PRKACB: variants seen among roughly 807,000 people sequenced by gnomAD.
The protein encoded by PRKACB is cAMP-dependent protein kinase catalytic subunit beta.
In PRKACB, 16 loss-of-function variants were observed where a neutral mutation model predicts 51.4. That is an observed-to-expected ratio of 0.31 (90% CI 0.21 to 0.47). The LOEUF is 0.47. Among genes scored for constraint, PRKACB ranks in the 20% least tolerant of loss-of-function variants. The probability of loss-of-function intolerance (pLI) is 1.00; values close to 1 mark genes in which losing one functional copy is unlikely to be tolerated. For missense variants in PRKACB, 309 were observed against 464.5 expected (o/e 0.67, Z 3.08); for synonymous variants, 147 against 154.4 (o/e 0.95, Z 0.35).
chr1:84,127,034 C>T (rs1651679032), intron 1 of PRKACB, among the ~76,000 whole-genome samples: 1 of 152,098 alleles, frequency 6.6e-6, no homozygotes, highest in Admixed American at 6.5e-5. Flanking sequence ...ACTCTTTTTG[C>T]CTTATTCCTC....
intron 5 of PRKACB, among the ~76,000 whole-genome samples, chr1:84,191,833 T>C (rs1011138088): frequency 1.3e-5 from 2 of 152,078 alleles, no homozygotes; most frequent in Admixed American, 6.6e-5. Flanking sequence ...ATCTAAAATA[T>C]AAATTTTAAA....
intron 1 of PRKACB, among the ~76,000 whole-genome samples, chr1:84,115,811 G>C (rs537639730): frequency 6.8e-6 from 1 of 146,350 alleles, no homozygotes; most frequent in African/African-American, 2.5e-5. Flanking sequence ...GAACCCAGGA[G>C]GTGGAGGTTG....
chr1:84,197,858 A>C, intron 7 of PRKACB, 34 bp downstream of exon 7: 2 of 1,433,506 alleles, frequency 1.4e-6, no homozygotes, highest in Non-Finnish European at 2.0e-6. Flanking sequence ...AAGAAGTAGA[A>C]ATATGAGACA....
intron 8 of PRKACB, among the ~76,000 whole-genome samples, chr1:84,211,232 C>T (rs1672100444): frequency 6.6e-6 from 1 of 152,158 alleles, no homozygotes; most frequent in African/African-American, 2.4e-5. Context: ...ATTTTTCATG[C>T]ATTCCACTGC....
At chr1:84,105,542 CATTTATTTATTTATTTATTTATTTATTT>C (rs66546945) in intron 1 of PRKACB, among the ~76,000 whole-genome samples, 8 of 145,626 alleles carry the variant, frequency 5.5e-5, no homozygotes, top group Admixed American at 1.4e-4. Context: ...CCACTGTTAG[CATTTATTTATTTATTTATTTATTTATTT>C]ATTTATTTAT....
intron 1 of PRKACB, among the ~76,000 whole-genome samples, chr1:84,102,146 A>C (rs1170529410): frequency 1.3e-5 from 2 of 151,802 alleles, no homozygotes; most frequent in African/African-American, 4.8e-5. Flanking sequence ...CGAGGTGGGC[A>C]GATCACGAGG....
chr1:84,159,236 G>A (rs1386692618), intron 1 of PRKACB, among the ~76,000 whole-genome samples: 3 of 151,936 alleles, frequency 2.0e-5, no homozygotes, highest in Non-Finnish European at 4.4e-5. Flanking sequence ...GTAGAGAATT[G>A]TTATTTTAAC....
At chr1:84,175,879 G>C (rs1329870087) in intron 1 of PRKACB, 1 of 1,163,764 alleles carries the variant, frequency 8.6e-7, no homozygotes, top group Non-Finnish European at 1.2e-6. Context: ...ATATATAATT[G>C]AAAATGTATA....
chr1:84,181,664 T>C, intron 2 of PRKACB: 8 of 1,502,778 alleles, frequency 5.3e-6, no homozygotes, highest in Non-Finnish European at 7.1e-6. Context: ...TCTCTCATGC[T>C]GCTACTATCT....
intron 1 of PRKACB, among the ~76,000 whole-genome samples, chr1:84,145,880 A>G (rs574600984): frequency 3.3e-5 from 5 of 151,986 alleles, no homozygotes; most frequent in Non-Finnish European, 7.4e-5. Context: ...GTATGTTTTA[A>G]TTTAAAGTTA....
At chr1:84,203,779 G>A (rs1466048543) in intron 8 of PRKACB, among the ~76,000 whole-genome samples, 3 of 151,922 alleles carry the variant, frequency 2.0e-5, no homozygotes, top group Non-Finnish European at 4.4e-5. Flanking sequence ...AGCCTGAGAT[G>A]TTATAGAGTT....
chr1:84,103,564 G>A (rs1367372082), intron 1 of PRKACB, among the ~76,000 whole-genome samples: 1 of 152,178 alleles, frequency 6.6e-6, no homozygotes, highest in Non-Finnish European at 1.5e-5. Context: ...TGTGAAGTGA[G>A]CCAGCAGACC....
chr1:84,159,558 C>T (rs555803805), intron 1 of PRKACB, among the ~76,000 whole-genome samples: 8 of 151,954 alleles, frequency 5.3e-5, no homozygotes, highest in South Asian at 2.1e-4. Flanking sequence ...CAAATAAAGA[C>T]AGTTTTATTT....
At chr1:84,135,389 T>C (rs1263656371) in intron 1 of PRKACB, among the ~76,000 whole-genome samples, 1 of 152,174 alleles carries the variant, frequency 6.6e-6, no homozygotes, top group Admixed American at 6.5e-5. Context: ...AGAAAATCAG[T>C]GTAAGTAGGT....
At chr1:84,144,822 T>C (rs780062850) in intron 1 of PRKACB, among the ~76,000 whole-genome samples, 46 of 152,274 alleles carry the variant, frequency 3.0e-4, no homozygotes, top group Non-Finnish European at 4.4e-4. Context: ...TAATGTACTT[T>C]TTTTTGTTGT....
At chr1:84,178,135 T>C (rs1383802376) in intron 1 of PRKACB, among the ~76,000 whole-genome samples, 2 of 152,002 alleles carry the variant, frequency 1.3e-5, no homozygotes, top group Non-Finnish European at 2.9e-5. Context: ...AGGTATGACA[T>C]TGGTATGACA....
At chr1:84,102,302 G>T (rs967441568) in intron 1 of PRKACB, among the ~76,000 whole-genome samples, 1 of 152,020 alleles carries the variant, frequency 6.6e-6, no homozygotes, top group Non-Finnish European at 1.5e-5. Context: ...TAGGAGAATC[G>T]CTTGAATCTG....
intron 2 of PRKACB, chr1:84,181,643 A>G: frequency 7.0e-7 from 1 of 1,427,548 alleles, no homozygotes; most frequent in Admixed American, 2.7e-5. Flanking sequence ...AAAGAGAGAA[A>G]GCCACTAGGC....
At position 84,184,022 on chromosome 1, in the gene PRKACB, ATC is replaced by A; in HGVS notation, c.379-10_379-9del. 6.4e-7 allele frequency: 1 copy of A among 1,560,138 alleles called. No individual in the cohort carries two copies. The highest frequency in any genetic ancestry group is 1.4e-5 in the African/African-American group (1 of 72,248). ...TGCTTAAATACATTAAGAGATATTT[ATC>A]TCTCAATTACAGGTTGTTAAACTGA... On this transcript the variant is annotated splice_polypyrimidine_tract_variant and intron_variant, in intron 3 of 9. Coordinates refer to ENST00000370685, the MANE Select transcript of PRKACB (RefSeq NM_182948.4).
Sources: allele counts gnomAD v4.1 joint callset (sites outside exome capture counted in the v4.1 genomes callset), GRCh38; gene constraint gnomAD v4.1.1; transcripts MANE v1.5; gene names NCBI Gene and HGNC (gene_info 2026-07-23, HGNC 2026-07-21).